The following VTI1A variants were observed in gnomAD, a reference collection of about 807,000 sequenced individuals.
The protein encoded by VTI1A is vesicle transport through interaction with t-SNAREs 1A, also known as vesicle transport through interaction with t-SNAREs homolog 1A.
VTI1A carries 22 observed loss-of-function variants against 34.9 expected under a neutral mutation model. That is an observed-to-expected ratio of 0.63 (90% CI 0.45 to 0.90). The LOEUF (loss-of-function observed/expected upper bound fraction) is 0.90, where lower values mean the gene tolerates loss of function less well. VTI1A is among the 40% of genes least tolerant of loss of function. The pLI is 0.00. For missense variants in VTI1A, 268 were observed against 275.6 expected (o/e 0.97, Z 0.20); for synonymous variants, 87 against 97.3 (o/e 0.89, Z 0.62).
intron 1 of VTI1A, among the ~76,000 whole-genome samples, chr10:112,448,228 C>T (rs1250529987): frequency 1.3e-5 from 2 of 151,958 alleles, no homozygotes; most frequent in African/African-American, 2.4e-5. Context: ...TTTCATACCC[C>T]CCACCCCCAT....
intron 5 of VTI1A, among the ~76,000 whole-genome samples, chr10:112,569,776 C>A (rs1284245238): frequency 6.6e-6 from 1 of 152,166 alleles, no homozygotes; most frequent in Non-Finnish European, 1.5e-5. Context: ...TGATAATCGA[C>A]CAGATCAGAA....
chr10:112,800,710 G>A (rs572968950), intron 7 of VTI1A, among the ~76,000 whole-genome samples: 11 of 152,198 alleles, frequency 7.2e-5, no homozygotes, highest in Non-Finnish European at 1.2e-4. Flanking sequence ...TTCTTTCATA[G>A]AGACCTGATG....
At chr10:112,654,494 A>G (rs1024214645) in intron 5 of VTI1A, among the ~76,000 whole-genome samples, 2 of 151,690 alleles carry the variant, frequency 1.3e-5, no homozygotes, top group Admixed American at 6.6e-5. Flanking sequence ...CTTTTTATTT[A>G]TTTATTTATT....
chr10:112,582,610 G>C lies in VTI1A; in HGVS notation c.427+44280G>C, dbSNP rs115455180. ...GTGATTTTAAAGACTTGTGGTCCAA[G>C]AATGACTTTGGTAGAGAGGAAACTC... On this transcript the variant is annotated intron_variant, in intron 5 of 7. Transcript: ENST00000393077. Among the ~76,000 whole-genome samples the C allele has an allele frequency of 1.8e-3, 270 of 152,216 alleles. 2 individuals are homozygous for C. The highest frequency in any genetic ancestry group is 6.1e-3 in the African/African-American group (255 of 41,528).
the VTI1A span, among the ~76,000 whole-genome samples, chr10:112,835,073 A>G: frequency 6.6e-6 from 1 of 152,182 alleles, no homozygotes; most frequent in Non-Finnish European, 1.5e-5. Context: ...AAGCATGCTT[A>G]GACACAGGGC....
intron 1 of VTI1A, 117 bp from the exon 2 acceptor site, chr10:112,460,407 C>T (rs1847692521): frequency 2.3e-6 from 2 of 870,686 alleles, no homozygotes. Flanking sequence ...TGCTCTTTTG[C>T]CTTATGTTCT....
chr10:112,460,610 C>T lies in VTI1A; in HGVS notation c.153+28C>T, dbSNP rs774123895. The stretch of plus-strand genomic sequence containing the variant: ...ATGTACAGACAGTAATGTATTTTAA[C>T]ACACAGCCAGAGCCGTTTAAGCTAA... On this transcript the variant is annotated intron_variant, in intron 2 of 7. Transcript: ENST00000393077. 4.5e-6 allele frequency: 7 copies of T among 1,553,152 alleles called. No homozygotes were observed. The Admixed American group carries it at 5.9e-5, about 13-fold the overall frequency.
Position 112,815,406 on chromosome 10 carries a change from A to G in VTI1A, c.*23A>G, listed in dbSNP as rs1490932133. On this transcript the variant is annotated 3_prime_UTR_variant, in exon 8 of 8. Transcript: ENST00000393077. ...TGATGTATCTGCTCTCCCTTGATAA[A>G]CAGCAACAACAGCTTGTTCTGAGTA... 3.8e-6 allele frequency: 6 copies of G among 1,571,982 alleles called. No individual in the cohort carries two copies. Among genetic ancestry groups the G allele is most frequent in the Non-Finnish European group, 5.3e-6 (6 of 1,141,834 alleles).
At chr10:112,750,992 G>A (rs1311448351) in intron 7 of VTI1A, among the ~76,000 whole-genome samples, 3 of 152,196 alleles carry the variant, frequency 2.0e-5, no homozygotes, top group Admixed American at 2.0e-4. Flanking sequence ...AAGTTCCCCT[G>A]TTGGTTTTCC....
intron 3 of VTI1A, among the ~76,000 whole-genome samples, chr10:112,517,708 T>G (rs1019898585): frequency 1.3e-5 from 2 of 151,996 alleles, no homozygotes; most frequent in African/African-American, 2.4e-5. Flanking sequence ...AATATATGAC[T>G]CCAATCTAGT....
chr10:112,485,839 A>G lies in VTI1A; in HGVS notation c.264+21182A>G, dbSNP rs531692742. On this transcript the variant is annotated intron_variant, in intron 3 of 7. Transcript: ENST00000393077. ...TGTTACCATTACTGTTTCATGTATC[A>G]CTAAAAGCAGCTGTTGGAATAAGAT... Among the ~76,000 whole-genome samples the G allele has an allele frequency of 1.3e-4, 20 of 152,320 alleles. No individual in the cohort carries two copies. The South Asian group carries it at 2.9e-3, about 22-fold the overall frequency.
chr10:112,549,967 T>C (rs1253688887), intron 5 of VTI1A, among the ~76,000 whole-genome samples: 1 of 152,218 alleles, frequency 6.6e-6, no homozygotes, highest in African/African-American at 2.4e-5. Flanking sequence ...CTCTGAGGTA[T>C]TGGTGAGCTC....
intron 7 of VTI1A, among the ~76,000 whole-genome samples, chr10:112,689,875 A>G (rs1174383766): frequency 2.6e-5 from 4 of 152,140 alleles, no homozygotes. Flanking sequence ...AAGATATAGA[A>G]CAGTTCCCTC....
At chr10:112,682,453 G>A (rs563267944) in intron 7 of VTI1A, among the ~76,000 whole-genome samples, 20 of 152,160 alleles carry the variant, frequency 1.3e-4, no homozygotes, top group South Asian at 1.0e-3. Flanking sequence ...TTCATTTTTA[G>A]TAGTGGGCAA....
At chr10:112,661,554 A>G (rs1246882847) in intron 5 of VTI1A, among the ~76,000 whole-genome samples, 1 of 152,126 alleles carries the variant, frequency 6.6e-6, no homozygotes, top group Non-Finnish European at 1.5e-5. Flanking sequence ...TCTGCTGGGT[A>G]ATATTTTTTG....
intron 5 of VTI1A, among the ~76,000 whole-genome samples, chr10:112,598,957 A>C (rs1844776209): frequency 6.6e-6 from 1 of 152,224 alleles, no homozygotes; most frequent in Admixed American, 6.5e-5. Context: ...CTCAATAATA[A>C]CAAGAAACCA....
intron 5 of VTI1A, among the ~76,000 whole-genome samples, chr10:112,655,983 C>T (rs914427951): frequency 6.6e-6 from 1 of 152,230 alleles, no homozygotes; most frequent in African/African-American, 2.4e-5. Context: ...AGTCCTCTCA[C>T]TCAGGCCTTT....
At chr10:112,480,015 A>G (rs574644703) in intron 3 of VTI1A, among the ~76,000 whole-genome samples, 51 of 152,352 alleles carry the variant, frequency 3.3e-4, no homozygotes, top group Admixed American at 1.2e-3. Flanking sequence ...TCATATTGAT[A>G]AAGTATTGAC....
rs149188033 is a variant in VTI1A at position 112,657,431 on chromosome 10, G to A, written c.428-10787G>A. 3.2e-3 allele frequency among the ~76,000 whole-genome samples: 487 copies of A among 152,140 alleles called. 2 individuals are homozygous for A. The highest frequency in any genetic ancestry group is 0.01 in the African/African-American group (427 of 41,540). ...ATAAAACATAACATTTTAAATTTATGAGTCAGTGTAAACATTTGTCCAGGC... is the reference window on the plus strand; with the variant it reads ...ATAAAACATAACATTTTAAATTTATAAGTCAGTGTAAACATTTGTCCAGGC... On this transcript the variant is annotated intron_variant, in intron 5 of 7. Coordinates refer to ENST00000393077, the MANE Select transcript of VTI1A (RefSeq NM_145206.4).
Sources: gnomAD v4.1 joint callset for allele counts (sites outside exome capture counted in the v4.1 genomes callset) on GRCh38, gnomAD v4.1.1 for gene constraint, MANE v1.5 for transcripts, NCBI Gene and HGNC (gene_info 2026-07-23, HGNC 2026-07-21) for gene names.